The following CNTNAP2 variants were observed in gnomAD, a reference collection of about 807,000 sequenced individuals.
CNTNAP2 encodes the protein contactin associated protein 2, also known as contactin-associated protein-like 2.
In CNTNAP2, 98 loss-of-function variants were observed where a neutral mutation model predicts 155.2. The ratio of observed to expected loss-of-function variants is 0.63; its 90% CI spans 0.54 to 0.75. The LOEUF (loss-of-function observed/expected upper bound fraction) is 0.75, where lower values mean the gene tolerates loss of function less well. CNTNAP2 is among the 30% of genes least tolerant of loss of function. CNTNAP2 has a pLI of 0.00. For missense variants in CNTNAP2, 1,727 were observed against 1,688.1 expected (o/e 1.02, Z -0.40); for synonymous variants, 651 against 631.2 (o/e 1.03, Z -0.47).
At chr7:146,934,522 A>G (rs1288169964) in intron 3 of CNTNAP2, among the ~76,000 whole-genome samples, 1 of 152,030 alleles carries the variant, frequency 6.6e-6, no homozygotes, top group Non-Finnish European at 1.5e-5. Flanking sequence ...TGGGTGCAGC[A>G]CACTAGCATG....
chr7:148,010,446 C>G (rs1405471059), intron 15 of CNTNAP2, among the ~76,000 whole-genome samples: 1 of 151,598 alleles, frequency 6.6e-6, no homozygotes, highest in African/African-American at 2.4e-5. Context: ...GTGCTTCATG[C>G]CTTTTTTCTT....
chr7:146,842,741 A>G (rs1803756504), intron 3 of CNTNAP2, among the ~76,000 whole-genome samples: 1 of 151,546 alleles, frequency 6.6e-6, no homozygotes, highest in South Asian at 2.1e-4. Context: ...GCTGGAGTGC[A>G]GTGACGCGAT....
At chr7:146,463,292 G>T (rs540461161) in intron 1 of CNTNAP2, among the ~76,000 whole-genome samples, 18 of 152,108 alleles carry the variant, frequency 1.2e-4, no homozygotes, top group African/African-American at 4.3e-4. Flanking sequence ...GTGTACTGTT[G>T]CCATGATTTC....
intron 9 of CNTNAP2, among the ~76,000 whole-genome samples, chr7:147,319,016 A>T (rs956318001): frequency 6.6e-6 from 1 of 152,156 alleles, no homozygotes; most frequent in Non-Finnish European, 1.5e-5. Context: ...AGTGGATAAA[A>T]GTAATCTTCT....
intron 9 of CNTNAP2, among the ~76,000 whole-genome samples, chr7:147,378,566 C>A (rs1273055429): frequency 1.3e-5 from 2 of 151,932 alleles, no homozygotes; most frequent in Non-Finnish European, 2.9e-5. Context: ...AATAACTGAA[C>A]TCCTGGAGAT....
rs748120017 is a variant in CNTNAP2 at position 147,486,044 on chromosome 7, G to A, written c.1777+3G>A. On this transcript the variant is annotated splice_donor_region_variant and intron_variant, in intron 11 of 23. Coordinates refer to ENST00000361727, the MANE Select transcript of CNTNAP2 (RefSeq NM_014141.6). ...CAGTGGGGCCACCTGCCACAACTGT[G>A]AGTGCCAATTTATCTCACTTTAATC... is the stretch of plus-strand genomic sequence containing the variant. 3 of 1,611,728 alleles carry A rather than the reference G, an allele frequency of 1.9e-6. No individual in the cohort carries two copies. Among genetic ancestry groups the A allele is most frequent in the Non-Finnish European group, 2.5e-6 (3 of 1,177,822 alleles).
chr7:147,402,512 C>T (rs1043267658), intron 10 of CNTNAP2, among the ~76,000 whole-genome samples: 1 of 152,128 alleles, frequency 6.6e-6, no homozygotes, highest in Non-Finnish European at 1.5e-5. Context: ...ATTGAGAGTC[C>T]TGCTTCTGGA....
chr7:148,179,041 G>C (rs1794990234), intron 18 of CNTNAP2, among the ~76,000 whole-genome samples: 1 of 152,226 alleles, frequency 6.6e-6, no homozygotes, highest in Admixed American at 6.5e-5. Context: ...CTGAAGGGCT[G>C]AGAAGTATGC....
intron 12 of CNTNAP2, among the ~76,000 whole-genome samples, chr7:147,605,223 G>A (rs1801038070): frequency 1.3e-5 from 2 of 151,852 alleles, no homozygotes; most frequent in African/African-American, 4.8e-5. Context: ...TCCTTCTATA[G>A]GGATGAAAAA....
chr7:146,804,289 T>C (rs1473716868), intron 2 of CNTNAP2, among the ~76,000 whole-genome samples: 1 of 152,206 alleles, frequency 6.6e-6, no homozygotes, highest in Non-Finnish European at 1.5e-5. Flanking sequence ...TTGATAGAAA[T>C]ACATTTTTGC....
chr7:146,618,836 G>A lies in CNTNAP2; in HGVS notation c.98-155435G>A, dbSNP rs550040590. On this transcript the variant is annotated intron_variant, in intron 1 of 23. Transcript: ENST00000361727. ...TGTAATCCCAGCACTTTGGGAGGCC[G>A]AGACAGGCGGATAACCTGAGGTCAG... Among the ~76,000 whole-genome samples, 13 of 152,166 alleles carry A rather than the reference G, an allele frequency of 8.5e-5. No individual in the cohort carries two copies. The East Asian group carries it at 2.3e-3, about 27-fold the overall frequency.
rs1800954099 is a variant in CNTNAP2 at position 146,318,908 on chromosome 7, A to G, written c.97+201935A>G. Among the ~76,000 whole-genome samples the G allele has an allele frequency of 9.2e-5, 14 of 152,288 alleles. 2 individuals are homozygous for G. In the South Asian group the frequency reaches 2.9e-3, roughly 32 times the overall value. On this transcript the variant is annotated intron_variant, in intron 1 of 23. Coordinates refer to ENST00000361727, the MANE Select transcript of CNTNAP2 (RefSeq NM_014141.6). ...GTATGTATAATCTTAACTCTTATGAATGCTTTGTAAATATAACCGATTGAC... is the reference window on the plus strand; with the variant it reads ...GTATGTATAATCTTAACTCTTATGAGTGCTTTGTAAATATAACCGATTGAC...
chr7:146,140,656 G>C (rs1180073897), intron 1 of CNTNAP2, among the ~76,000 whole-genome samples: 3 of 152,036 alleles, frequency 2.0e-5, no homozygotes, highest in Admixed American at 2.0e-4. Context: ...TTCAGTTCTT[G>C]ATAGGGACAA....
At chr7:146,719,442 A>G (rs1353527562) in intron 1 of CNTNAP2, among the ~76,000 whole-genome samples, 1 of 152,216 alleles carries the variant, frequency 6.6e-6, no homozygotes, top group Non-Finnish European at 1.5e-5. Flanking sequence ...TCAGACTTCA[A>G]ATTAGTGAAT....
At chr7:147,520,120 C>A (rs967121985) in intron 11 of CNTNAP2, among the ~76,000 whole-genome samples, 3 of 151,928 alleles carry the variant, frequency 2.0e-5, no homozygotes, top group African/African-American at 7.3e-5. Context: ...GTATTTTGGG[C>A]AAAATATTAG....
At chr7:147,186,259 G>A (rs1802563607) in intron 8 of CNTNAP2, among the ~76,000 whole-genome samples, 1 of 152,030 alleles carries the variant, frequency 6.6e-6, no homozygotes, top group Admixed American at 6.6e-5. Context: ...TGTTTAATTG[G>A]TATGCCATAT....
intron 13 of CNTNAP2, among the ~76,000 whole-genome samples, chr7:147,864,052 T>C (rs1799182386): frequency 6.6e-6 from 1 of 152,072 alleles, no homozygotes; most frequent in Non-Finnish European, 1.5e-5. Flanking sequence ...GGGGTTTTTA[T>C]GGTTTCAGGT....
intron 1 of CNTNAP2, among the ~76,000 whole-genome samples, chr7:146,234,111 A>C (rs1430855798): frequency 7.0e-6 from 1 of 142,532 alleles, no homozygotes; most frequent in East Asian, 2.2e-4. Context: ...ATTTCTCCAC[A>C]TCTTCTCCAG....
At chr7:147,366,541 TATTG>T (rs1271688810) in intron 9 of CNTNAP2, among the ~76,000 whole-genome samples, 1 of 152,090 alleles carries the variant, frequency 6.6e-6, no homozygotes, top group Non-Finnish European at 1.5e-5. Context: ...GCCTTCTTTG[TATTG>T]ACTTTTCATT....
Sources: allele counts gnomAD v4.1 joint callset (sites outside exome capture counted in the v4.1 genomes callset), GRCh38; gene constraint gnomAD v4.1.1; transcripts MANE v1.5; gene names NCBI Gene and HGNC (gene_info 2026-07-23, HGNC 2026-07-21).